Variants in VWA5B1 observed in about 807,000 individuals in gnomAD.
The protein encoded by VWA5B1 is von Willebrand factor A domain-containing protein 5B1.
VWA5B1 carries 115 observed loss-of-function variants against 118.2 expected under a neutral mutation model. The observed-to-expected ratio is 0.97, with a 90% confidence interval of 0.84 to 1.14. The LOEUF is 1.14. VWA5B1 is among the 50% of genes most tolerant of loss of function. VWA5B1 has a pLI of 0.00. For synonymous variants in VWA5B1, 682 were observed against 658.4 expected, an observed-to-expected ratio of 1.04 and a Z score of -0.55; for missense variants, 1,596 against 1,603.8, an observed-to-expected ratio of 1.00 and a Z score of 0.08.
chr1:20,318,849 G>A, intron 6 of VWA5B1, 128 bp downstream of exon 6: 2 of 1,365,550 alleles, frequency 1.5e-6, no homozygotes, highest in South Asian at 1.7e-5. Context: ...GGTGGGGGGT[G>A]TGGCCAAGGA....
In VWA5B1 at chr1:20,343,097, C is replaced by T; in HGVS notation, c.2330C>T (p.Ser777Phe). ...PGDLEPSHHP[S>F]AFETETSSDW... The stretch of plus-strand genomic sequence containing the variant: ...CCCGCAGAGCCGTCCCACCATCCCT[C>T]TGCCTTCGAGACAGAGACGTCCTCG... Residue 777 changes from serine (S) to phenylalanine (F), a missense_variant, in exon 16 of 22, where the codon TCT (serine) becomes TTT (phenylalanine). Ser to Phe is a radical substitution (Grantham distance 155). Transcript: ENST00000289815. 2 of 1,527,548 alleles carry T rather than the reference C, an allele frequency of 1.3e-6. No individual in the cohort carries two copies. The highest frequency in any genetic ancestry group is 2.4e-5 in the South Asian group (2 of 82,120). 94.6% of individuals were successfully genotyped at this position (1,527,548 alleles called of 1,614,324 possible).
At position 20,354,029 on chromosome 1, in the gene VWA5B1, G is replaced by C; in HGVS notation, c.3414G>C (p.Lys1138Asn). ...GGGCAGTGGTGGAGCACACTGGGAA[G>C]CTGTGGGCCACGGTGGTGGGGCTGG... ...EPRAVVEHTG[K>N]LWATVVGLAW... Residue 1138 changes from lysine to asparagine, a missense_variant, in exon 22 of 22, where the codon AAG becomes AAC. By Grantham distance (94) the Lys-to-Asn change is moderately conservative (BLOSUM62 0). Transcript: ENST00000289815. The C allele has an allele frequency of 6.4e-7, 1 of 1,551,718 alleles. No homozygotes were observed. The highest frequency in any genetic ancestry group is 1.2e-5 in the South Asian group (1 of 84,062).
chr1:20,297,078 A>G (rs540103828), intron 1 of VWA5B1, among the ~76,000 whole-genome samples: 11 of 152,348 alleles, frequency 7.2e-5, no homozygotes, highest in African/African-American at 2.4e-4. Flanking sequence ...GACAAAATAT[A>G]CAAAGATCTC....
intron 11 of VWA5B1, among the ~76,000 whole-genome samples, 184 bp from the exon 12 acceptor site, chr1:20,332,582 C>T (rs1158319801): frequency 6.6e-6 from 1 of 150,614 alleles, no homozygotes; most frequent in Non-Finnish European, 1.5e-5. Flanking sequence ...CGAAGATGCT[C>T]CCCAACTCTG....
intron 21 of VWA5B1, 77 bp downstream of exon 21, chr1:20,352,249 A>G (rs1374896865): frequency 1.0e-5 from 11 of 1,071,952 alleles, no homozygotes; most frequent in Non-Finnish European, 1.5e-5. Context: ...CCCCCTGCCC[A>G]CCTCTCCACT....
At chr1:20,296,979 G>C (rs188222603) in intron 1 of VWA5B1, among the ~76,000 whole-genome samples, 1 of 152,182 alleles carries the variant, frequency 6.6e-6, no homozygotes, top group African/African-American at 2.4e-5. Context: ...TGCCTGCCTC[G>C]CCTCAGGTCG....
chr1:20,337,289 G>A (rs925757868), intron 13 of VWA5B1, among the ~76,000 whole-genome samples: 1 of 151,978 alleles, frequency 6.6e-6, no homozygotes, highest in Non-Finnish European at 1.5e-5. Flanking sequence ...CACCATGCCT[G>A]GCTAATTTTT....
intron 4 of VWA5B1, among the ~76,000 whole-genome samples, chr1:20,315,488 G>A (rs2088978760): frequency 6.6e-6 from 1 of 152,216 alleles, no homozygotes; most frequent in South Asian, 2.1e-4. Flanking sequence ...TTACAGCTGA[G>A]ATCATTTTCT....
chr1:20,342,948 G>T (rs1026154606), intron 15 of VWA5B1, 131 bp from the exon 16 acceptor site: 2 of 1,426,260 alleles, frequency 1.4e-6, no homozygotes, highest in African/African-American at 2.9e-5. Context: ...GGAGTTGCCT[G>T]TTCCCTGGGG....
At chr1:20,338,857 G>C (rs988326198) in intron 14 of VWA5B1, 1 of 152,072 alleles carries the variant, frequency 6.6e-6, no homozygotes, top group Non-Finnish European at 1.5e-5. Flanking sequence ...GTAGAGACAG[G>C]GTTTTGCCAT....
At chr1:20,305,936 C>T (rs1044125573) in intron 1 of VWA5B1, among the ~76,000 whole-genome samples, 4 of 152,078 alleles carry the variant, frequency 2.6e-5, no homozygotes, top group Admixed American at 2.6e-4. Context: ...ATTGTGATGA[C>T]ATATGGATCC....
At chr1:20,291,359 T>G (rs55827042) in intron 1 of VWA5B1, among the ~76,000 whole-genome samples, 3 of 103,408 alleles carry the variant, frequency 2.9e-5, no homozygotes, top group Non-Finnish European at 6.1e-5. Context: ...CTTTCTTTCT[T>G]TCTCTCTCTC....
chr1:20,324,526 T>G (rs1204108519), intron 8 of VWA5B1, among the ~76,000 whole-genome samples: 2 of 152,246 alleles, frequency 1.3e-5, no homozygotes, highest in Non-Finnish European at 2.9e-5. Context: ...CCATGGGGCC[T>G]AGCTCTGTGT....
intron 2 of VWA5B1, 130 bp downstream of exon 2, chr1:20,310,870 A>G: frequency 7.8e-7 from 1 of 1,278,222 alleles, no homozygotes; most frequent in Non-Finnish European, 1.0e-6. Flanking sequence ...CTCATCTATA[A>G]AATGGTGAGA....
In VWA5B1 at chr1:20,343,219, C is replaced by A; in HGVS notation, c.2452C>A (p.His818Asn). ...GGGCAAGGCCCTGGTCAAAGGCCTG[C>A]ACGACAGCCAACGCCTGCAGTGGGA... ...VLGKALVKGL[H>N]DSQRLQWEVS... The change falls in exon 16 of 22, where the codon CAC becomes AAC. Residue 818 changes from histidine (H) to asparagine (N), a missense_variant. His to Asn is a moderately conservative substitution (Grantham distance 68). Transcript: ENST00000289815. 6.5e-7 allele frequency: 1 copy of A among 1,549,628 alleles called. No individual in the cohort carries two copies. The highest frequency in any genetic ancestry group is 8.7e-7 in the Non-Finnish European group (1 of 1,146,794).
At chr1:20,291,777 G>A (rs1369830135) in intron 1 of VWA5B1, among the ~76,000 whole-genome samples, 2 of 152,224 alleles carry the variant, frequency 1.3e-5, no homozygotes, top group Non-Finnish European at 2.9e-5. Flanking sequence ...TGCAAGGTAA[G>A]AGGGGAAGGA....
chr1:20,318,841 T>TG (rs1043925442), intron 6 of VWA5B1, 120 bp downstream of exon 6: 7 of 1,384,168 alleles, frequency 5.1e-6, no homozygotes, highest in Non-Finnish European at 6.6e-6. Flanking sequence ...AGAGTCGGGG[T>TG]GGGGGGTGTG....
chr1:20,354,157 C>T lies in VWA5B1; in HGVS notation c.3542C>T (p.Thr1181Met), dbSNP rs542391804. The T allele has an allele frequency of 5.2e-5, 80 of 1,551,400 alleles. No individual in the cohort carries two copies. The highest frequency in any genetic ancestry group is 3.4e-4 in the African/African-American group (25 of 73,186). ...LEQQEVPEGR[T>M]QGTLKAAARQ... Reference sequence around the variant, plus strand: ...CAGCAGGAAGTACCCGAGGGCCGCACGCAGGGCACACTCAAGGCCGCTGCC... The same window carrying T: ...CAGCAGGAAGTACCCGAGGGCCGCATGCAGGGCACACTCAAGGCCGCTGCC... The change falls in exon 22 of 22, where the codon ACG (threonine) becomes ATG (methionine). Residue 1181 changes from threonine to methionine, a missense_variant. Transcript: ENST00000289815.
Position 20,343,123 on chromosome 1 carries a change from G to T in VWA5B1, c.2356G>T (p.Asp786Tyr). ...TGCCTTCGAGACAGAGACGTCCTCG[G>T]ACTGGGACCCCCCAGCCGAGTCCCA... is the stretch of plus-strand genomic sequence containing the variant. ...PSAFETETSS[D>Y]WDPPAESQER... The change falls in exon 16 of 22, where the codon GAC becomes TAC. Residue 786 changes from aspartate to tyrosine, a missense_variant. Physicochemically the swap from Asp to Tyr is radical, Grantham distance 160. Coordinates refer to ENST00000289815, the MANE Select transcript of VWA5B1 (RefSeq NM_001039500.3). 1 of 1,542,524 alleles carries T rather than the reference G, an allele frequency of 6.5e-7. No homozygotes were observed. The highest frequency in any genetic ancestry group is 2.5e-5 in the East Asian group (1 of 40,680).
Sources: gnomAD v4.1 joint callset for allele counts (sites outside exome capture counted in the v4.1 genomes callset) on GRCh38, gnomAD v4.1.1 for gene constraint, MANE v1.5 for transcripts, NCBI Gene and HGNC (gene_info 2026-07-23, HGNC 2026-07-21) for gene names.